Variants in HELB observed in about 807,000 individuals in gnomAD.
HELB encodes DNA helicase B.
HELB carries 96 observed loss-of-function variants against 101.7 expected under a neutral mutation model. The ratio of observed to expected loss-of-function variants is 0.94; its 90% CI spans 0.80 to 1.12. The LOEUF (loss-of-function observed/expected upper bound fraction) is 1.12. Among genes scored for constraint, HELB ranks in the 50% most tolerant of loss-of-function variants. HELB has a pLI of 0.00. For missense variants in HELB, 1,210 were observed against 1,291.9 expected, an observed-to-expected ratio of 0.94 and a Z score of 0.97; for synonymous variants, 437 against 459.7, an observed-to-expected ratio of 0.95 and a Z score of 0.63.
chr12:66,325,667 T>C (rs560191558), intron 11 of HELB, among the ~76,000 whole-genome samples: 97 of 152,324 alleles, frequency 6.4e-4, no homozygotes, highest in Middle Eastern at 3.4e-3. Context: ...AAGCAATATA[T>C]ATGATTGTTT....
intron 12 of HELB, among the ~76,000 whole-genome samples, chr12:66,336,562 G>A (rs1382514220): frequency 6.6e-6 from 1 of 152,186 alleles, no homozygotes; most frequent in Non-Finnish European, 1.5e-5. Flanking sequence ...AGAAAGTGCT[G>A]GTGTAACCTG....
At chr12:66,320,198 T>C (rs10878406) in intron 7 of HELB, among the ~76,000 whole-genome samples, 5,826 of 152,054 alleles carry the variant, frequency 0.038, 222 homozygotes, top group East Asian at 0.14. Flanking sequence ...TTTATACTCT[T>C]TAAAAAAAAA....
At chr12:66,332,051 A>G (rs925862132) in intron 12 of HELB, among the ~76,000 whole-genome samples, 3 of 152,224 alleles carry the variant, frequency 2.0e-5, no homozygotes, top group South Asian at 2.1e-4. Context: ...ACAGTCGGCT[A>G]TCAGTAATGT....
intron 4 of HELB, among the ~76,000 whole-genome samples, chr12:66,312,148 C>G (rs1415281925): frequency 6.6e-6 from 1 of 152,138 alleles, no homozygotes; most frequent in Non-Finnish European, 1.5e-5. Flanking sequence ...GATGTTATCT[C>G]CACATTTACA....
intron 11 of HELB, among the ~76,000 whole-genome samples, chr12:66,325,864 C>T (rs531657565): frequency 2.0e-5 from 3 of 151,842 alleles, no homozygotes; most frequent in East Asian, 1.9e-4. Context: ...ACCTTTTATC[C>T]CCCCGCCCCC....
chr12:66,309,983 T>G lies in HELB; in HGVS notation c.1055T>G (p.Phe352Cys). ...GTGACATATGAGAAGTCCTGTGTCT[T>G]CCCTTATGACCTTTACCATGCTGAA... ...GVVTYEKSCV[F>C]PYDLYHAERA... Residue 352 changes from phenylalanine to cysteine, a missense_variant, in exon 4 of 13, where the codon TTC (phenylalanine) becomes TGC (cysteine). Phe to Cys is a radical substitution (Grantham distance 205, BLOSUM62 -2). Coordinates refer to ENST00000247815, the MANE Select transcript of HELB (RefSeq NM_001370285.1). 3 of 1,614,232 alleles carry G rather than the reference T, an allele frequency of 1.9e-6. No individual in the cohort carries two copies. The highest frequency in any genetic ancestry group is 2.5e-6 in the Non-Finnish European group (3 of 1,180,034).
In HELB at chr12:66,310,126, G is replaced by A; in HGVS notation, c.1198G>A (p.Asp400Asn). ...CACAAAACCTGAGAATTCAAGCGAT[G>A]ATGCATTGAATGAGAGCAAACCTGA... Reference protein sequence around the residue: ...HTTKPENSSDDALNESKPDEV... With the variant: ...HTTKPENSSDNALNESKPDEV... The change falls in exon 4 of 13, where the codon GAT (aspartate) becomes AAT (asparagine). Residue 400 changes from aspartate to asparagine, a missense_variant. By Grantham distance (23) the Asp-to-Asn change is conservative. Transcript: ENST00000247815. 1 of 1,614,216 alleles carries A rather than the reference G, an allele frequency of 6.2e-7. No individual in the cohort carries two copies. The highest frequency in any genetic ancestry group is 1.3e-5 in the African/African-American group (1 of 75,054).
intron 12 of HELB, among the ~76,000 whole-genome samples, chr12:66,336,410 G>A (rs2053866594): frequency 6.6e-6 from 1 of 152,134 alleles, no homozygotes; most frequent in Admixed American, 6.5e-5. Flanking sequence ...AAAAAAGGTG[G>A]GATTATAAGT....
intron 1 of HELB, among the ~76,000 whole-genome samples, chr12:66,303,074 G>C (rs1176898491): frequency 2.1e-5 from 3 of 143,812 alleles, no homozygotes; most frequent in Non-Finnish European, 4.5e-5. Flanking sequence ...AAGGGGACCC[G>C]AGCGGGTTGC....
intron 10 of HELB, 23 bp from the exon 11 acceptor site, chr12:66,324,960 A>G: frequency 3.7e-6 from 6 of 1,611,816 alleles, no homozygotes; most frequent in Non-Finnish European, 5.1e-6. Flanking sequence ...GGTATGCAAA[A>G]TAGTTCTTTG....
chr12:66,305,223 C>A, intron 2 of HELB, 73 bp downstream of exon 2: 1 of 914,138 alleles, frequency 1.1e-6, no homozygotes, highest in Non-Finnish European at 1.7e-6. Flanking sequence ...AAAATGTTAC[C>A]ACTAGCATAG....
At chr12:66,335,421 G>A (rs2053856152) in intron 12 of HELB, among the ~76,000 whole-genome samples, 1 of 152,150 alleles carries the variant, frequency 6.6e-6, no homozygotes, top group African/African-American at 2.4e-5. Flanking sequence ...CAGGGCTGTG[G>A]GGAGGGAATA....
At chr12:66,318,872 C>A in intron 7 of HELB, 80 bp downstream of exon 7, 1 of 1,096,298 alleles carries the variant, frequency 9.1e-7, no homozygotes, top group Non-Finnish European at 1.3e-6. Context: ...TGACTAGTTA[C>A]AATTTTCTTT....
chr12:66,328,170 A>C (rs1318545745), intron 11 of HELB, among the ~76,000 whole-genome samples: 3 of 152,168 alleles, frequency 2.0e-5, no homozygotes, highest in Non-Finnish European at 4.4e-5. Context: ...GGGCATTTGA[A>C]GGCCTGCACT....
At chr12:66,315,171 A>G (rs2053589548) in intron 5 of HELB, 71 bp from the exon 6 acceptor site, 3 of 1,177,676 alleles carry the variant, frequency 2.5e-6, no homozygotes, top group South Asian at 2.1e-5. Context: ...AAACTGTTAA[A>G]TAATTTTAAA....
At position 66,304,718 on chromosome 12, in the gene HELB, T is replaced by A. The variant is rs1194567663; in HGVS notation, c.188-13T>A. The stretch of plus-strand genomic sequence containing the variant: ...GAGTTAACTTTTGTGGGTTTTTGTT[T>A]GTTTTTTTTTAGTTTCTATTTGTGA... On this transcript the variant is annotated splice_polypyrimidine_tract_variant and intron_variant, in intron 1 of 12. Coordinates refer to ENST00000247815, the MANE Select transcript of HELB (RefSeq NM_001370285.1). The A allele has an allele frequency of 3.8e-6, 6 of 1,568,520 alleles. No individual in the cohort carries two copies. Among genetic ancestry groups the A allele is most frequent in the Non-Finnish European group, 4.3e-6 (5 of 1,162,868 alleles).
At chr12:66,303,107 TAA>T (rs34264841) in intron 1 of HELB, among the ~76,000 whole-genome samples, 5 of 127,602 alleles carry the variant, frequency 3.9e-5, no homozygotes, top group African/African-American at 5.8e-5. Context: ...TTTTTTTTTT[TAA>T]AATTATTCTC....
intron 9 of HELB, among the ~76,000 whole-genome samples, chr12:66,323,292 C>T (rs923186923): frequency 6.6e-6 from 1 of 151,882 alleles, no homozygotes; most frequent in Non-Finnish European, 1.5e-5. Context: ...GGTGGAGTGC[C>T]TGTCTGCTGA....
At chr12:66,317,196 C>CA (rs144397387) in intron 6 of HELB, among the ~76,000 whole-genome samples, 22,311 of 141,618 alleles carry the variant, frequency 0.16, 1,761 homozygotes, top group Non-Finnish European at 0.2. Flanking sequence ...GACTCCATCT[C>CA]AAAAAAAAAA....
Sources: gnomAD v4.1 joint callset for allele counts (sites outside exome capture counted in the v4.1 genomes callset) on GRCh38, gnomAD v4.1.1 for gene constraint, MANE v1.5 for transcripts, NCBI Gene and HGNC (gene_info 2026-07-23, HGNC 2026-07-21) for gene names.